The following EXTL3 variants were observed in gnomAD, a reference collection of about 807,000 sequenced individuals.
EXTL3 encodes the protein exostosin like glycosyltransferase 3.
EXTL3 carries 27 observed loss-of-function variants against 69.3 expected under a neutral mutation model. The observed-to-expected ratio is 0.39, with a 90% CI of 0.29 to 0.54. The LOEUF (loss-of-function observed/expected upper bound fraction) is 0.54. Among genes scored for constraint, EXTL3 ranks in the 20% least tolerant of loss-of-function variants. The pLI is 0.69. For synonymous variants in EXTL3, 511 were observed against 499.4 expected, an observed-to-expected ratio of 1.02 and a Z score of -0.31; for missense variants, 1,003 against 1,231.8, an observed-to-expected ratio of 0.81 and a Z score of 2.78.
chr8:28,735,128 CTCCACTTGTTTTTATGAAAGGAAAA>C (rs1273078824), intron 4 of EXTL3, among the ~76,000 whole-genome samples: 16 of 151,734 alleles, frequency 1.1e-4, no homozygotes, highest in African/African-American at 1.5e-4. Flanking sequence ...AGCTGACTCT[CTCCACTTGTTTTTATGAAAGGAAAA>C]AAGCCATGCA....
chr8:28,693,081 C>T (rs374393240), intron 1 of EXTL3, among the ~76,000 whole-genome samples: 1 of 151,542 alleles, frequency 6.6e-6, no homozygotes, highest in Non-Finnish European at 1.5e-5. Context: ...TTGATACCCG[C>T]TGTTGGCGCT....
chr8:28,748,994 A>G (rs899309872), intron 6 of EXTL3, among the ~76,000 whole-genome samples: 1 of 152,236 alleles, frequency 6.6e-6, no homozygotes, highest in Admixed American at 6.5e-5. Context: ...GGACTGTTTG[A>G]CAAAATAAAA....
intron 1 of EXTL3, among the ~76,000 whole-genome samples, chr8:28,655,587 G>C (rs976935175): frequency 1.3e-5 from 2 of 151,480 alleles, no homozygotes; most frequent in Non-Finnish European, 2.9e-5. Flanking sequence ...ACCTCCCTGG[G>C]CTTAGGCGAT....
upstream of EXTL3, among the ~76,000 whole-genome samples, chr8:28,622,309 C>A (rs999113784): frequency 2.0e-5 from 3 of 152,254 alleles, no homozygotes; most frequent in Non-Finnish European, 2.9e-5. Context: ...CAGCGACCGG[C>A]GCCCTCTGCG....
Position 28,608,682 on chromosome 8 carries a change from G to GTCTTGTATTT in EXTL3, n.314+925_314+926insCTTGTATTTT, listed in dbSNP as rs1285701729. 2.0e-4 allele frequency among the ~76,000 whole-genome samples: 31 copies of GTCTTGTATTT among 152,042 alleles called. 1 individual carries two copies. The highest frequency in any genetic ancestry group is 9.7e-4 in the East Asian group (5 of 5,180). ...GTTCAAGACCAGCCTGGACAACATGGTGGAACCTGGTCTCTACCAAAAATA... is the reference window on the plus strand; with the variant it reads ...GTTCAAGACCAGCCTGGACAACATGGTCTTGTATTTTGGAACCTGGTCTCTACCAAAAATA... On this transcript the variant is annotated intron_variant and non_coding_transcript_variant, in intron 2 of 4. Coordinates refer to the EXTL3 transcript ENST00000522725.
At chr8:28,661,343 T>TTA (rs572966176) in intron 1 of EXTL3, among the ~76,000 whole-genome samples, 319 of 148,786 alleles carry the variant, frequency 2.1e-3, no homozygotes, top group African/African-American at 4.2e-3. Flanking sequence ...GCTTTATGTT[T>TTA]TATATATATA....
chr8:28,687,977 A>C (rs1397268174), intron 1 of EXTL3, among the ~76,000 whole-genome samples: 2 of 151,746 alleles, frequency 1.3e-5, no homozygotes, highest in Non-Finnish European at 2.9e-5. Context: ...ATCACTGGTT[A>C]TCTTAATGAG....
intron 3 of EXTL3, among the ~76,000 whole-genome samples, chr8:28,719,684 CT>C (rs137913405): frequency 0.014 from 2,198 of 152,196 alleles, 53 homozygotes; most frequent in African/African-American, 0.049. Context: ...TCAAAGTTCA[CT>C]TTTTTTCTTT....
intron 1 of EXTL3, among the ~76,000 whole-genome samples, chr8:28,703,312 A>G (rs1295216081): frequency 6.6e-6 from 1 of 152,164 alleles, no homozygotes; most frequent in Non-Finnish European, 1.5e-5. Flanking sequence ...AGTGGGGGAA[A>G]ACCCTGTTAA....
intron 1 of EXTL3, among the ~76,000 whole-genome samples, chr8:28,701,945 C>G (rs1438935257): frequency 6.6e-6 from 1 of 152,124 alleles, no homozygotes; most frequent in Non-Finnish European, 1.5e-5. Context: ...CCCGCCCCCA[C>G]ACGCCCTCTC....
rs111401274 is a variant in EXTL3 at position 28,750,125 on chromosome 8, T to G, written c.2551-532T>G. On this transcript the variant is annotated intron_variant, in intron 6 of 6. Coordinates refer to ENST00000220562, the MANE Select transcript of EXTL3 (RefSeq NM_001440.4). The surrounding 1 kb of genome is among the most constrained non-coding windows in gnomAD (Gnocchi z 5.2). ...GCTGTCCCTCTTCATACTTTTTTAG[T>G]TAGACATTTTCTAATTAATAATAAT... 8.8e-3 allele frequency among the ~76,000 whole-genome samples: 1,334 copies of G among 152,348 alleles called. 24 individuals carry two copies. Among genetic ancestry groups the G allele is most frequent in the African/African-American group, 0.031 (1,269 of 41,570 alleles).
At position 28,676,460 on chromosome 8, in the gene EXTL3, T is replaced by A. The variant is rs142940831; in HGVS notation, c.-52-36997T>A. The stretch of plus-strand genomic sequence containing the variant: ...ACACAACCCAGATTATTGACATTGA[T>A]GCAGAGTGGGTTTAGGAGATACTAA... On this transcript the variant is annotated intron_variant, in intron 1 of 6. Coordinates refer to the EXTL3 transcript ENST00000523149. Among the ~76,000 whole-genome samples the A allele has an allele frequency of 3.8e-4, 58 of 152,274 alleles. No homozygotes were observed. The East Asian group carries it at 0.011, about 29-fold the overall frequency.
In EXTL3 at chr8:28,716,161, C is replaced by T. The variant is rs1801139967; in HGVS notation, c.102C>T (p.Phe34=). 1 of 1,614,058 alleles carries T rather than the reference C, an allele frequency of 6.2e-7. No individual in the cohort carries two copies. Residue 34 remains phenylalanine, a synonymous_variant, in exon 3 of 7, where the codon TTC becomes TTT. Transcript: ENST00000220562. The surrounding 1 kb of genome is among the most constrained non-coding windows in gnomAD (Gnocchi z 7.1). ...GCATCCGCCTCACGTGGCTCAGCTT[C>T]ACGCTCTTTGTCATCCTGGTCTTCT... The part of the protein sequence containing the change: ...SNRIRLTWLS[F]TLFVILVFFP...
intron 1 of EXTL3, among the ~76,000 whole-genome samples, chr8:28,660,622 G>A (rs748081408): frequency 1.3e-5 from 2 of 151,944 alleles, no homozygotes; most frequent in Non-Finnish European, 2.9e-5. Flanking sequence ...ATAATCTTGT[G>A]CAACCATCAC....
intron 4 of EXTL3, among the ~76,000 whole-genome samples, 164 bp downstream of exon 4, chr8:28,731,514 G>C (rs1801537830): frequency 6.6e-6 from 1 of 152,190 alleles, no homozygotes; most frequent in African/African-American, 2.4e-5. Flanking sequence ...GGCGTTGGAG[G>C]AGTCCATCTC....
chr8:28,627,306 G>A (rs1441485070), intron 1 of EXTL3, among the ~76,000 whole-genome samples: 2 of 151,940 alleles, frequency 1.3e-5, no homozygotes, highest in Non-Finnish European at 2.9e-5. Flanking sequence ...ACTGGGCAAC[G>A]TGGCAAAACT....
chr8:28,704,262 A>G (rs928252174), intron 1 of EXTL3, among the ~76,000 whole-genome samples: 3 of 152,254 alleles, frequency 2.0e-5, no homozygotes, highest in Non-Finnish European at 4.4e-5. Flanking sequence ...AAAGTCTAGA[A>G]GTGGAGCCAT....
intron 6 of EXTL3, among the ~76,000 whole-genome samples, chr8:28,744,619 C>T (rs2130795712): frequency 6.6e-6 from 1 of 152,318 alleles, no homozygotes; most frequent in Non-Finnish European, 1.5e-5. Flanking sequence ...ACGGTGAAAC[C>T]TTGTCTCTAC....
upstream of EXTL3, among the ~76,000 whole-genome samples, chr8:28,619,842 GTTCTTTTTTTTTTTTTTTT>G (rs1806385741): frequency 1.6e-4 from 15 of 92,216 alleles, no homozygotes; most frequent in African/African-American, 4.8e-4. Flanking sequence ...AGGGCTTCTG[GTTCTTTTTTTTTTTTTTTT>G]TTTTTTTTTT....
Sources: allele counts gnomAD v4.1 joint callset (sites outside exome capture counted in the v4.1 genomes callset), GRCh38; gene constraint gnomAD v4.1.1; non-coding constraint Gnocchi (gnomAD v3.1); transcripts MANE v1.5; gene names NCBI Gene and HGNC (gene_info 2026-07-23, HGNC 2026-07-21).